SIL1: variants seen among roughly 807,000 people sequenced by gnomAD.
SIL1 encodes nucleotide exchange factor SIL1.
In SIL1, 40 loss-of-function variants were observed where a neutral mutation model predicts 49.1. That is an observed-to-expected ratio of 0.81 (90% CI 0.63 to 1.06). SIL1 has a LOEUF of 1.06. Among genes scored for constraint, SIL1 ranks in the 50% least tolerant of loss-of-function variants. The probability of loss-of-function intolerance (pLI) is 0.00; values close to 1 mark genes in which losing one functional copy is unlikely to be tolerated. For synonymous variants in SIL1, 253 were observed against 250.8 expected (o/e 1.01, Z -0.08); for missense variants, 500 against 572.6 (o/e 0.87, Z 1.29).
intron 3 of SIL1, among the ~76,000 whole-genome samples, chr5:139,059,307 C>T (rs188344730): frequency 4.5e-4 from 69 of 152,258 alleles, no homozygotes; most frequent in Admixed American, 1.5e-3. Flanking sequence ...CCCCTGCACA[C>T]GCTCTCTTTC....
chr5:139,156,463 G>T (rs1279042798), intron 1 of SIL1, among the ~76,000 whole-genome samples: 2 of 152,076 alleles, frequency 1.3e-5, no homozygotes, highest in Admixed American at 6.5e-5. Flanking sequence ...GGAAGGCTGG[G>T]GCAGAAGGAT....
chr5:139,127,042 G>A lies in SIL1; in HGVS notation c.105+697C>T, dbSNP rs116055890. Among the ~76,000 whole-genome samples, 375 of 152,320 alleles carry A rather than the reference G, an allele frequency of 2.5e-3. 1 individual carries two copies. The highest frequency in any genetic ancestry group is 8.1e-3 in the African/African-American group (338 of 41,558). On this transcript the variant is annotated intron_variant, in intron 2 of 9. Transcript: ENST00000394817. The stretch of plus-strand genomic sequence containing the variant: ...AGCCAAGTAAACAGGGCCAGGAACC[G>A]TAGTGTGCTGCAGCCAGGCCAAGCT...
At chr5:139,029,898 G>C (rs1001171930) in intron 5 of SIL1, among the ~76,000 whole-genome samples, 3 of 151,540 alleles carry the variant, frequency 2.0e-5, no homozygotes, top group African/African-American at 7.3e-5. Flanking sequence ...GATCACTTGA[G>C]TCCAGGAGGG....
intron 7 of SIL1, among the ~76,000 whole-genome samples, chr5:139,017,678 T>C (rs1214987590): frequency 2.6e-5 from 4 of 151,966 alleles, no homozygotes; most frequent in African/African-American, 9.7e-5. Context: ...AAAGGAGATA[T>C]ATAGGGAGCT....
chr5:139,004,299 CCT>C (rs1355188414), intron 7 of SIL1, among the ~76,000 whole-genome samples: 1 of 152,160 alleles, frequency 6.6e-6, no homozygotes, highest in Non-Finnish European at 1.5e-5. Context: ...CTGTACCTGG[CCT>C]CTGTTTTTAT....
chr5:139,085,716 G>C (rs11959851), intron 3 of SIL1, among the ~76,000 whole-genome samples: 47,891 of 151,912 alleles, frequency 0.32, 7,646 homozygotes, highest in Middle Eastern at 0.41. Context: ...AGCATGAATG[G>C]GACAGGCAAA....
intron 7 of SIL1, among the ~76,000 whole-genome samples, chr5:139,003,024 G>A (rs1009682860): frequency 3.3e-5 from 5 of 152,138 alleles, no homozygotes; most frequent in African/African-American, 1.2e-4. Flanking sequence ...TGGAGCTAGA[G>A]GTGGAAACAA....
At chr5:139,054,792 G>C (rs1769370824) in intron 3 of SIL1, among the ~76,000 whole-genome samples, 1 of 152,090 alleles carries the variant, frequency 6.6e-6, no homozygotes, top group Non-Finnish European at 1.5e-5. Context: ...GCCACCACAG[G>C]GGGCAAGAGC....
chr5:139,011,759 G>A (rs1194743086), intron 7 of SIL1, among the ~76,000 whole-genome samples: 1 of 152,050 alleles, frequency 6.6e-6, no homozygotes, highest in Non-Finnish European at 1.5e-5. Flanking sequence ...TTGTTTGTGG[G>A]GATGCTCTGA....
intron 3 of SIL1, among the ~76,000 whole-genome samples, chr5:139,086,726 G>A (rs1044859255): frequency 6.6e-6 from 1 of 151,692 alleles, no homozygotes; most frequent in Non-Finnish European, 1.5e-5. Flanking sequence ...GTTCTTTGGG[G>A]GCTGAGGTGG....
chr5:139,105,118 GGT>G (rs1770671352), intron 3 of SIL1, among the ~76,000 whole-genome samples: 1 of 152,124 alleles, frequency 6.6e-6, no homozygotes, highest in African/African-American at 2.4e-5. Flanking sequence ...TAGATCCGTG[GGT>G]GAGGATTGAG....
intron 3 of SIL1, among the ~76,000 whole-genome samples, chr5:139,058,964 A>ATGTGTGTG (rs113502024): frequency 4.6e-5 from 4 of 86,768 alleles, no homozygotes; most frequent in African/African-American, 2.3e-4. Context: ...GGAGCTAGAA[A>ATGTGTGTG]TGTGTATGTG....
chr5:138,998,276 G>A lies in SIL1; in HGVS notation c.767+22895C>T, dbSNP rs544146061. 6.4e-4 allele frequency among the ~76,000 whole-genome samples: 97 copies of A among 152,148 alleles called. 1 individual carries two copies. Among genetic ancestry groups the A allele is most frequent in the African/African-American group, 2.2e-3 (91 of 41,532 alleles). ...CTCACTGAGGCTTCAACCTCCCCAGGCTCCAGTGATCCTCCTGAGTAGCTG... is the reference window on the plus strand; with the variant it reads ...CTCACTGAGGCTTCAACCTCCCCAGACTCCAGTGATCCTCCTGAGTAGCTG... On this transcript the variant is annotated intron_variant, in intron 7 of 9. Transcript: ENST00000394817.
chr5:138,966,638 C>T (rs891640725), intron 7 of SIL1, among the ~76,000 whole-genome samples: 1 of 152,138 alleles, frequency 6.6e-6, no homozygotes, highest in African/African-American at 2.4e-5. Flanking sequence ...AACAAAAAAC[C>T]CGCAGCCCCT....
intron 1 of SIL1, among the ~76,000 whole-genome samples, chr5:139,189,227 AAGTG>A (rs1433315452): frequency 2.6e-5 from 4 of 152,244 alleles, no homozygotes; most frequent in Admixed American, 1.3e-4. Flanking sequence ...GGTGAGCAGC[AAGTG>A]AGTGAGCAAA....
intron 1 of SIL1, among the ~76,000 whole-genome samples, chr5:139,196,137 C>T (rs1272066764): frequency 1.3e-5 from 2 of 152,138 alleles, no homozygotes; most frequent in Non-Finnish European, 1.5e-5. Flanking sequence ...TTGCAGTGAG[C>T]TATGATTATG....
intron 1 of SIL1, among the ~76,000 whole-genome samples, chr5:139,186,333 C>T (rs764192617): frequency 5.3e-5 from 8 of 152,194 alleles, no homozygotes; most frequent in East Asian, 3.9e-4. Context: ...TTTCACCAAA[C>T]GCCCTCAAAA....
At chr5:139,164,367 A>G (rs1343545425) in intron 1 of SIL1, among the ~76,000 whole-genome samples, 1 of 152,022 alleles carries the variant, frequency 6.6e-6, no homozygotes, top group Admixed American at 6.5e-5. Flanking sequence ...GCTTCTGCCC[A>G]TTGCCTTCTC....
At position 139,092,903 on chromosome 5, in the gene SIL1, G is replaced by C. The variant is rs1052639461; in HGVS notation, c.244+28132C>G. ...AATCCTGAATGTGACAATGTTGAAA[G>C]AGGTGATTAGGTCATGAGGGCTTTG... On this transcript the variant is annotated intron_variant, in intron 3 of 9. Coordinates refer to ENST00000394817, the MANE Select transcript of SIL1 (RefSeq NM_022464.5). Among the ~76,000 whole-genome samples, 4 of 152,174 alleles carry C rather than the reference G, an allele frequency of 2.6e-5. No homozygotes were observed. In the South Asian group the frequency reaches 8.3e-4, roughly 32 times the overall value.
Sources: allele counts gnomAD v4.1 joint callset (sites outside exome capture counted in the v4.1 genomes callset), GRCh38; gene constraint gnomAD v4.1.1; transcripts MANE v1.5; gene names NCBI Gene and HGNC (gene_info 2026-07-23, HGNC 2026-07-21).